Variants in FNBP1L observed in about 807,000 individuals in gnomAD.
FNBP1L encodes formin-binding protein 1-like.
A neutral mutation model predicts 91.2 loss-of-function variants in FNBP1L; 36 were observed. The observed-to-expected ratio is 0.39, with a 90% CI of 0.30 to 0.52. FNBP1L has a LOEUF of 0.52. Among genes scored for constraint, FNBP1L ranks in the 20% least tolerant of loss-of-function variants. FNBP1L has a pLI of 0.66. For synonymous variants in FNBP1L, 242 were observed against 237.0 expected (o/e 1.02, Z -0.19); for missense variants, 571 against 732.1 (o/e 0.78, Z 2.54).
chr1:93,533,621 T>G (rs949280429), intron 8 of FNBP1L, among the ~76,000 whole-genome samples: 1 of 152,132 alleles, frequency 6.6e-6, no homozygotes, highest in Non-Finnish European at 1.5e-5. Context: ...TGGCAGAAAC[T>G]GAGGAAAGGC....
At chr1:93,548,472 A>G (rs1672309728) in intron 14 of FNBP1L, among the ~76,000 whole-genome samples, 2 of 152,146 alleles carry the variant, frequency 1.3e-5, no homozygotes, top group African/African-American at 2.4e-5. Context: ...CCCTGTTACC[A>G]TGATTAGTTG....
At chr1:93,456,400 A>C (rs903595887) in intron 1 of FNBP1L, among the ~76,000 whole-genome samples, 12 of 152,074 alleles carry the variant, frequency 7.9e-5, no homozygotes, top group African/African-American at 2.7e-4. Flanking sequence ...TATTTTTGGT[A>C]CATCATAATT....
intron 14 of FNBP1L, 104 bp from the exon 15 acceptor site, chr1:93,549,174 A>T: frequency 1.2e-6 from 1 of 818,028 alleles, no homozygotes; most frequent in Non-Finnish European, 1.7e-6. Flanking sequence ...CTGTGTCATT[A>T]ATATTTAATT....
Position 93,549,340 on chromosome 1 carries a change from G to C in FNBP1L, c.1565G>C (p.Gly522Ala). The C allele has an allele frequency of 6.2e-7, 1 of 1,612,888 alleles. No homozygotes were observed. Among genetic ancestry groups the C allele is most frequent in the Non-Finnish European group, 8.5e-7 (1 of 1,179,406 alleles). Reference protein sequence around the residue: ...QEVRGPPQQHGHHNEFDDEFE... With the variant: ...QEVRGPPQQHAHHNEFDDEFE... ...GTCCGTGGGCCACCCCAGCAGCATG[G>C]TCACCACAATGAGTTTGATGATGAA... is the stretch of plus-strand genomic sequence containing the variant. Residue 522 changes from glycine (G) to alanine (A), a missense_variant, in exon 15 of 17, where the codon GGT becomes GCT. Transcript: ENST00000271234.
chr1:93,527,709 A>G (rs756504460), intron 5 of FNBP1L, among the ~76,000 whole-genome samples: 10 of 152,232 alleles, frequency 6.6e-5, no homozygotes, highest in East Asian at 1.9e-4. Flanking sequence ...GGAGCTTTCA[A>G]TGGCTTTTTA....
At chr1:93,550,281 C>T (rs1570880594) in intron 15 of FNBP1L, among the ~76,000 whole-genome samples, 2 of 152,196 alleles carry the variant, frequency 1.3e-5, no homozygotes, top group South Asian at 2.1e-4. Context: ...CCCAGGAGTT[C>T]GAATCCAACC....
Position 93,515,613 on chromosome 1 carries a change from T to A in FNBP1L, c.141-6469T>A, listed in dbSNP as rs534166519. Reference sequence around the variant, plus strand: ...AAAAATGATGAGTTCATGTCCTTTGTAGGGACATGGATGAAATTGGAAATC... The same window carrying A: ...AAAAATGATGAGTTCATGTCCTTTGAAGGGACATGGATGAAATTGGAAATC... On this transcript the variant is annotated intron_variant, in intron 2 of 16. Coordinates refer to ENST00000271234, the MANE Select transcript of FNBP1L (RefSeq NM_001164473.3). Among the ~76,000 whole-genome samples, 110 of 151,966 alleles carry A rather than the reference T, an allele frequency of 7.2e-4. 1 individual carries two copies. Among genetic ancestry groups the A allele is most frequent in the Admixed American group, 4.6e-3 (70 of 15,272 alleles).
rs111837454 is a variant in FNBP1L, at chr1:93,508,127, C to T, written c.140+8544C>T. Among the ~76,000 whole-genome samples, 589 of 151,692 alleles carry T rather than the reference C, an allele frequency of 3.9e-3. 9 individuals are homozygous for T. The highest frequency in any genetic ancestry group is 0.014 in the African/African-American group (561 of 41,332). ...TTTTGGGAGGTGGAGGCAGGTGGAT[C>T]GCTTGAGTCCAGGAGTTTAAGACCA... On this transcript the variant is annotated intron_variant, in intron 2 of 16. Coordinates refer to ENST00000271234, the MANE Select transcript of FNBP1L (RefSeq NM_001164473.3).
At chr1:93,517,187 G>T (rs1280608809) in intron 2 of FNBP1L, among the ~76,000 whole-genome samples, 1 of 151,904 alleles carries the variant, frequency 6.6e-6, no homozygotes, top group East Asian at 1.9e-4. Context: ...GAGACTACAG[G>T]AGTGCGCCAC....
intron 1 of FNBP1L, among the ~76,000 whole-genome samples, chr1:93,498,884 T>G (rs1004542580): frequency 6.6e-6 from 1 of 152,208 alleles, no homozygotes; most frequent in African/African-American, 2.4e-5. Context: ...TCAAGGAGCC[T>G]TGTTAGCTTG....
intron 1 of FNBP1L, among the ~76,000 whole-genome samples, chr1:93,450,927 T>C (rs1460668331): frequency 5.3e-5 from 8 of 152,198 alleles, no homozygotes; most frequent in African/African-American, 1.9e-4. Context: ...TGGGGGACTT[T>C]TGTAGTGATG....
At chr1:93,504,783 G>A (rs554562060) in intron 2 of FNBP1L, among the ~76,000 whole-genome samples, 1 of 152,016 alleles carries the variant, frequency 6.6e-6, no homozygotes. Context: ...TGAGTTACTT[G>A]TTTTTTTGTT....
intron 1 of FNBP1L, among the ~76,000 whole-genome samples, chr1:93,469,536 C>T (rs182769296): frequency 1.6e-3 from 236 of 152,086 alleles, no homozygotes; most frequent in African/African-American, 5.2e-3. Context: ...TGAATAGTGC[C>T]GCAATAAACA....
intron 1 of FNBP1L, among the ~76,000 whole-genome samples, chr1:93,449,715 A>G (rs1032787318): frequency 4.8e-4 from 73 of 152,150 alleles, no homozygotes; most frequent in African/African-American, 1.8e-3. Context: ...CTTAGATAGC[A>G]TTAATTGTTC....
intron 1 of FNBP1L, among the ~76,000 whole-genome samples, chr1:93,489,188 C>G (rs1280016698): frequency 6.6e-6 from 1 of 152,024 alleles, no homozygotes; most frequent in Non-Finnish European, 1.5e-5. Context: ...TTTGGCAAAG[C>G]TAGAGAGGGG....
chr1:93,464,276 A>G (rs1311496214), intron 1 of FNBP1L, among the ~76,000 whole-genome samples: 1 of 152,234 alleles, frequency 6.6e-6, no homozygotes, highest in Non-Finnish European at 1.5e-5. Context: ...GAGTAGCTAC[A>G]GTACATACGG....
At chr1:93,459,737 A>G (rs1668796700) in intron 1 of FNBP1L, among the ~76,000 whole-genome samples, 1 of 152,212 alleles carries the variant, frequency 6.6e-6, no homozygotes, top group Non-Finnish European at 1.5e-5. Flanking sequence ...TCCAAAGGAT[A>G]GGAAATTAGT....
chr1:93,512,363 C>T (rs1301635757), intron 2 of FNBP1L, among the ~76,000 whole-genome samples: 7 of 151,586 alleles, frequency 4.6e-5, no homozygotes, highest in African/African-American at 1.2e-4. Flanking sequence ...GACAAATCAA[C>T]GAGACAGAAA....
chr1:93,459,961 GTGTGTGTGTGTGTGTGTT>G (rs1668806830), intron 1 of FNBP1L, among the ~76,000 whole-genome samples: 6 of 149,246 alleles, frequency 4.0e-5, no homozygotes, highest in Admixed American at 3.4e-4. Flanking sequence ...GTGTGTGTGT[GTGTGTGTGTGTGTGTGTT>G]TTTGGGATAT....
Sources: gnomAD v4.1 joint callset for allele counts (sites outside exome capture counted in the v4.1 genomes callset) on GRCh38, gnomAD v4.1.1 for gene constraint, MANE v1.5 for transcripts, NCBI Gene and HGNC (gene_info 2026-07-23, HGNC 2026-07-21) for gene names.